Variants in PRDM6 observed in about 807,000 individuals in gnomAD.
PRDM6 encodes the protein putative histone-lysine N-methyltransferase PRDM6.
Under a neutral mutation model 60.8 loss-of-function variants are expected in PRDM6, and 25 were observed. The observed-to-expected ratio is 0.41, with a 90% CI of 0.30 to 0.57. The LOEUF (loss-of-function observed/expected upper bound fraction) is 0.57. Ranked by LOEUF, PRDM6 falls within the 20% of genes least tolerant of loss-of-function variation. The pLI, the probability that PRDM6 is intolerant of heterozygous loss-of-function variation, is 0.27. For synonymous variants in PRDM6, 407 were observed against 357.4 expected, an observed-to-expected ratio of 1.14 and a Z score of -1.57; for missense variants, 839 against 821.3, an observed-to-expected ratio of 1.02 and a Z score of -0.26.
At chr5:123,156,147 TAG>T in intron 4 of PRDM6, 136 bp downstream of exon 4, 1 of 795,854 alleles carries the variant, frequency 1.3e-6, no homozygotes, top group Non-Finnish European at 1.9e-6. Context: ...TTTTTTTTGC[TAG>T]GTTTCTGAAA....
chr5:123,137,226 G>A (rs1366773618), intron 3 of PRDM6, among the ~76,000 whole-genome samples: 2 of 152,176 alleles, frequency 1.3e-5, no homozygotes, highest in Admixed American at 6.5e-5. Flanking sequence ...CATGAAATTG[G>A]GAGTTGAGAA....
At position 123,189,425 on chromosome 5, in the gene PRDM6, A is replaced by C. The variant is rs965662432; in HGVS notation, c.*2224A>C. The C allele has an allele frequency of 3.9e-5, 6 of 152,080 alleles. No individual in the cohort carries two copies. Among genetic ancestry groups the C allele is most frequent in the African/African-American group, 1.4e-4 (6 of 41,392 alleles). 9.4% of individuals were successfully genotyped at this position (152,080 alleles called of 1,614,324 possible). A position where few individuals can be genotyped will look rare whatever the true frequency, so the allele number is the denominator to read the frequency against. On this transcript the variant is annotated 3_prime_UTR_variant, in exon 8 of 8. Coordinates refer to ENST00000407847, the MANE Select transcript of PRDM6 (RefSeq NM_001136239.4). ...GAACACCATGTACTACTCAGTTCTCATGAGCTTCAGAACGTGGGAGAATGA... is the reference window on the plus strand; with the variant it reads ...GAACACCATGTACTACTCAGTTCTCCTGAGCTTCAGAACGTGGGAGAATGA...
At chr5:123,179,711 A>G (rs1766100884) in intron 6 of PRDM6, among the ~76,000 whole-genome samples, 1 of 148,192 alleles carries the variant, frequency 6.7e-6, no homozygotes, top group Non-Finnish European at 1.5e-5. Flanking sequence ...GTCCCAGGGG[A>G]TTATCATAAA....
At position 123,170,782 on chromosome 5, in the gene PRDM6, G is replaced by A. The variant is rs796086351; in HGVS notation, c.1170G>A (p.Thr390=). ...AQDENLNVPS[T]VMEAMCRQDA... is the part of the protein sequence containing the mutation. ...TTCTCCTAGTAAATGTCCCTTCAAC[G>A]GTAATGGAAGCCATGTGCAGACAAG... is the stretch of plus-strand genomic sequence containing the variant. The change falls in exon 6 of 8, where the codon ACG becomes ACA. Residue 390 remains threonine, a synonymous_variant. Coordinates refer to ENST00000407847, the MANE Select transcript of PRDM6 (RefSeq NM_001136239.4). 1.8e-5 allele frequency: 28 copies of A among 1,550,282 alleles called. No homozygotes were observed. The highest frequency in any genetic ancestry group is 5.5e-5 in the African/African-American group (4 of 73,100).
chr5:123,127,238 A>C (rs1288164307), intron 3 of PRDM6, among the ~76,000 whole-genome samples: 1 of 152,128 alleles, frequency 6.6e-6, no homozygotes, highest in African/African-American at 2.4e-5. Flanking sequence ...GGTTTTCAAC[A>C]TGTTGGCCAG....
In PRDM6 at chr5:123,154,575, A is replaced by G. The variant is rs192512295; in HGVS notation, c.901-1309A>G. 4.6e-5 allele frequency among the ~76,000 whole-genome samples: 7 copies of G among 152,330 alleles called. No homozygotes were observed. The East Asian group carries it at 1.4e-3, about 29-fold the overall frequency. On this transcript the variant is annotated intron_variant, in intron 3 of 7. Coordinates refer to ENST00000407847, the MANE Select transcript of PRDM6 (RefSeq NM_001136239.4). ...TGTTTTTAAATGACTAGTAAAAAGAAACTGTCATCACTAAGCCCGTTTGCA... is the reference window on the plus strand; with the variant it reads ...TGTTTTTAAATGACTAGTAAAAAGAGACTGTCATCACTAAGCCCGTTTGCA...
In PRDM6 at chr5:123,099,803, G is replaced by A. The variant is rs1379603782; in HGVS notation, c.742G>A (p.Val248Met). Residue 248 changes from valine to methionine, a missense_variant, in exon 3 of 8, where the codon GTG (valine) becomes ATG (methionine). By Grantham distance (21) the Val-to-Met change is conservative (BLOSUM62 1). This residue lies in a region of PRDM6 where 730 missense variants were observed against 648.8 expected (regional missense o/e 1.13). Transcript: ENST00000407847. This position sits in a 1 kb window ranked among gnomAD's most constrained non-coding sequence, Gnocchi z 4.0. ...GTGGCTGCGGGACCTGCCTCGCGAGGTGTGCCTCTGCACCAGTACTGTGCC... is the reference window on the plus strand; with the variant it reads ...GTGGCTGCGGGACCTGCCTCGCGAGATGTGCCTCTGCACCAGTACTGTGCC... Reference protein sequence around the residue: ...PEWLRDLPREVCLCTSTVPGL... With the variant: ...PEWLRDLPREMCLCTSTVPGL... 1.2e-5 allele frequency: 19 copies of A among 1,549,264 alleles called. No individual in the cohort carries two copies. The highest frequency in any genetic ancestry group is 1.7e-5 in the Non-Finnish European group (19 of 1,146,246).
At chr5:123,106,946 G>A (rs1764209600) in intron 3 of PRDM6, among the ~76,000 whole-genome samples, 1 of 152,172 alleles carries the variant, frequency 6.6e-6, no homozygotes, top group South Asian at 2.1e-4. Flanking sequence ...TATAGCTGCT[G>A]GTCACTAAAC....
At chr5:123,104,535 G>A (rs1276021973) in intron 3 of PRDM6, among the ~76,000 whole-genome samples, 1 of 152,012 alleles carries the variant, frequency 6.6e-6, no homozygotes, top group Non-Finnish European at 1.5e-5. Context: ...GAATTATGTA[G>A]CTGTCGCAGT....
At chr5:123,092,649 A>G (rs114830479) in intron 2 of PRDM6, among the ~76,000 whole-genome samples, 1,702 of 152,326 alleles carry the variant, frequency 0.011, 33 homozygotes, top group African/African-American at 0.039. Context: ...TTTTGAGCCA[A>G]CTGGATTGTT....
chr5:123,139,399 T>C (rs1009430351), intron 3 of PRDM6, among the ~76,000 whole-genome samples: 1 of 152,198 alleles, frequency 6.6e-6, no homozygotes, highest in Non-Finnish European at 1.5e-5. Context: ...GCATATGTTC[T>C]TGTTTAGGTA....
intron 3 of PRDM6, among the ~76,000 whole-genome samples, chr5:123,112,849 T>G (rs1311027960): frequency 7.3e-6 from 1 of 137,836 alleles, no homozygotes; most frequent in Non-Finnish European, 1.5e-5. Context: ...TGTGCAAATT[T>G]AAATTTATGA....
chr5:123,095,835 C>A (rs935482085), intron 2 of PRDM6, among the ~76,000 whole-genome samples: 4 of 152,262 alleles, frequency 2.6e-5, no homozygotes, highest in Non-Finnish European at 5.9e-5. Flanking sequence ...ACACCAAAAG[C>A]CCGGAAGCGT....
chr5:123,158,017 C>T (rs1765544544), intron 4 of PRDM6, among the ~76,000 whole-genome samples: 3 of 152,186 alleles, frequency 2.0e-5, no homozygotes, highest in African/African-American at 4.8e-5. Flanking sequence ...GAGATTTCTG[C>T]GAGTTTTGGA....
chr5:123,186,370 GTTGT>G (rs1305782022), intron 7 of PRDM6, among the ~76,000 whole-genome samples: 2 of 152,104 alleles, frequency 1.3e-5, no homozygotes, highest in African/African-American at 4.8e-5. Context: ...TTTTTTTGTT[GTTGT>G]TTCTCATTTA....
intron 6 of PRDM6, among the ~76,000 whole-genome samples, chr5:123,171,834 A>G (rs1314309362): frequency 1.3e-5 from 2 of 152,206 alleles, no homozygotes; most frequent in East Asian, 1.9e-4. Context: ...ATATAATGGA[A>G]CTATTATTTA....
intron 5 of PRDM6, among the ~76,000 whole-genome samples, chr5:123,165,285 C>T (rs1765728320): frequency 6.6e-6 from 1 of 152,220 alleles, no homozygotes; most frequent in South Asian, 2.1e-4. Flanking sequence ...AACTGCCTCT[C>T]CCATCTTTCA....
At chr5:123,095,730 A>G (rs931336397) in intron 2 of PRDM6, among the ~76,000 whole-genome samples, 2 of 152,228 alleles carry the variant, frequency 1.3e-5, no homozygotes, top group Admixed American at 6.5e-5. Flanking sequence ...AGGGCGGGTG[A>G]GAGCCAACGA....
chr5:123,186,539 C>A (rs1766292951), intron 7 of PRDM6, among the ~76,000 whole-genome samples: 1 of 152,214 alleles, frequency 6.6e-6, no homozygotes, highest in African/African-American at 2.4e-5. Flanking sequence ...TAGGCTGTGA[C>A]ACTGTAACCA....
Sources: allele counts gnomAD v4.1 joint callset (sites outside exome capture counted in the v4.1 genomes callset), GRCh38; gene constraint gnomAD v4.1.1; regional missense constraint gnomAD v4.1.1; non-coding constraint Gnocchi (gnomAD v3.1); transcripts MANE v1.5; gene names NCBI Gene and HGNC (gene_info 2026-07-23, HGNC 2026-07-21).